GRID1: variants seen among roughly 807,000 people sequenced by gnomAD.
The protein encoded by GRID1 is glutamate ionotropic receptor delta type subunit 1, also known as glutamate receptor ionotropic, delta-1.
In GRID1, 28 loss-of-function variants were observed where a neutral mutation model predicts 98.0. That is an observed-to-expected ratio of 0.29 (90% CI 0.21 to 0.39). The LOEUF is 0.39. GRID1 is among the 10% of genes least tolerant of loss of function. The pLI, the probability that GRID1 is intolerant of heterozygous loss-of-function variation, is 1.00. For synonymous variants in GRID1, 553 were observed against 538.5 expected (o/e 1.03, Z -0.37); for missense variants, 1,111 against 1,340.5 (o/e 0.83, Z 2.67).
At chr10:86,052,334 AAT>A (rs1363118325) in intron 4 of GRID1, 1 of 152,166 alleles carries the variant, frequency 6.6e-6, no homozygotes, top group Non-Finnish European at 1.5e-5. Context: ...GGAGGGGTGA[AAT>A]AGAGTGAAGC....
intron 4 of GRID1, among the ~76,000 whole-genome samples, chr10:86,119,152 T>C (rs773766816): frequency 4.8e-4 from 73 of 152,024 alleles, no homozygotes; most frequent in Non-Finnish European, 8.5e-4. Context: ...CTTGGCAACA[T>C]GGAAAAACCC....
At chr10:86,255,756 G>A (rs1217001885) in intron 2 of GRID1, among the ~76,000 whole-genome samples, 1 of 152,162 alleles carries the variant, frequency 6.6e-6, no homozygotes, top group East Asian at 1.9e-4. Context: ...CTAGAGAGAT[G>A]GCTGCGTGCA....
intron 4 of GRID1, among the ~76,000 whole-genome samples, chr10:86,114,936 G>A (rs1844551304): frequency 6.6e-6 from 1 of 152,210 alleles, no homozygotes; most frequent in Non-Finnish European, 1.5e-5. Context: ...AGTGACAGCA[G>A]GTAAGAATCC....
At chr10:86,339,552 C>T (rs12412636) in intron 2 of GRID1, among the ~76,000 whole-genome samples, 103,606 of 152,196 alleles carry the variant, frequency 0.68, 37,557 homozygotes, top group Non-Finnish European at 0.82. Context: ...CTTTGCCTCC[C>T]GCTGGGGAGG....
intron 3 of GRID1, among the ~76,000 whole-genome samples, chr10:86,186,254 A>G (rs1372117732): frequency 1.3e-5 from 2 of 152,172 alleles, no homozygotes; most frequent in African/African-American, 4.8e-5. Flanking sequence ...TCACATCTAT[A>G]GTGATGTCAC....
intron 2 of GRID1, among the ~76,000 whole-genome samples, chr10:86,252,289 G>A (rs565703304): frequency 3.9e-5 from 6 of 152,106 alleles, no homozygotes; most frequent in Admixed American, 3.9e-4. Flanking sequence ...CTTCAGCCTC[G>A]GGCTGTCCAA....
intron 2 of GRID1, among the ~76,000 whole-genome samples, chr10:86,290,312 G>A (rs1007348854): frequency 1.7e-4 from 26 of 152,172 alleles, no homozygotes; most frequent in African/African-American, 5.3e-4. Context: ...GGCTGAGAGC[G>A]TTGGGGTGCT....
intron 12 of GRID1, among the ~76,000 whole-genome samples, chr10:85,665,807 A>G (rs1026742203): frequency 1.3e-5 from 2 of 152,168 alleles, no homozygotes; most frequent in African/African-American, 4.8e-5. Context: ...GAGTGTATTA[A>G]TTAAAGTGAC....
chr10:86,196,450 C>T (rs1291522026), intron 3 of GRID1, among the ~76,000 whole-genome samples: 2 of 152,058 alleles, frequency 1.3e-5, no homozygotes, highest in Non-Finnish European at 2.9e-5. Flanking sequence ...AGGAACCCTC[C>T]ACGGTAGGCG....
chr10:86,165,028 T>C (rs1406732557), intron 3 of GRID1, among the ~76,000 whole-genome samples: 1 of 152,088 alleles, frequency 6.6e-6, no homozygotes, highest in African/African-American at 2.4e-5. Context: ...AGTCCAACAA[T>C]GGCAGAAGTA....
intron 12 of GRID1, among the ~76,000 whole-genome samples, chr10:85,682,019 A>C (rs1037237076): frequency 2.6e-5 from 4 of 151,950 alleles, no homozygotes; most frequent in African/African-American, 9.7e-5. Context: ...GGGTGGGGCA[A>C]GCAGCAGACA....
At chr10:86,081,927 T>C (rs928986632) in intron 4 of GRID1, among the ~76,000 whole-genome samples, 5 of 152,190 alleles carry the variant, frequency 3.3e-5, no homozygotes, top group African/African-American at 7.2e-5. Flanking sequence ...TGAACTTATG[T>C]CATTACACAT....
chr10:85,774,116 C>T (rs760269124), intron 8 of GRID1, among the ~76,000 whole-genome samples: 1 of 152,152 alleles, frequency 6.6e-6, no homozygotes, highest in African/African-American at 2.4e-5. Flanking sequence ...GGTACTGGTA[C>T]CAAAACAGAG....
chr10:86,189,174 G>A (rs1228308143), intron 3 of GRID1, among the ~76,000 whole-genome samples: 1 of 152,102 alleles, frequency 6.6e-6, no homozygotes, highest in Non-Finnish European at 1.5e-5. Flanking sequence ...ATGTGACCCT[G>A]GAATCCAGGA....
intron 10 of GRID1, among the ~76,000 whole-genome samples, chr10:85,725,589 A>G (rs1166370298): frequency 6.6e-6 from 1 of 152,192 alleles, no homozygotes; most frequent in African/African-American, 2.4e-5. Context: ...CTTTAGTCAC[A>G]AGAGCACTGA....
chr10:86,355,314 G>A (rs554042276), intron 2 of GRID1, among the ~76,000 whole-genome samples: 40 of 152,366 alleles, frequency 2.6e-4, no homozygotes, highest in African/African-American at 8.9e-4. Context: ...TGGAGGCATG[G>A]GGAAGGGCCA....
At chr10:86,065,330 A>G (rs886880879) in intron 4 of GRID1, among the ~76,000 whole-genome samples, 2 of 152,240 alleles carry the variant, frequency 1.3e-5, no homozygotes, top group Non-Finnish European at 2.9e-5. Context: ...CCAGGGGATT[A>G]TGATACCTGC....
At chr10:85,701,273 G>A (rs1841448579) in intron 12 of GRID1, among the ~76,000 whole-genome samples, 1 of 152,180 alleles carries the variant, frequency 6.6e-6, no homozygotes. Flanking sequence ...AAAATGCCTA[G>A]GTTCCTCACA....
rs1379160509 is a variant in GRID1 at position 85,973,831 on chromosome 10, G to A, written c.727-57592C>T. ...ATTTCTTTCAATGAAATATGGTAAAGAGCCAAAGAGCATGGGTTCTGAAGT... is the reference window on the plus strand; with the variant it reads ...ATTTCTTTCAATGAAATATGGTAAAAAGCCAAAGAGCATGGGTTCTGAAGT... On this transcript the variant is annotated intron_variant, in intron 4 of 15. Coordinates refer to ENST00000327946, the MANE Select transcript of GRID1 (RefSeq NM_017551.3). Among the ~76,000 whole-genome samples the A allele has an allele frequency of 2.0e-5, 3 of 152,144 alleles. No homozygotes were observed. The East Asian group carries it at 5.8e-4, about 29-fold the overall frequency.
Sources: allele counts gnomAD v4.1 joint callset (sites outside exome capture counted in the v4.1 genomes callset), GRCh38; gene constraint gnomAD v4.1.1; transcripts MANE v1.5; gene names NCBI Gene and HGNC (gene_info 2026-07-23, HGNC 2026-07-21).